DNAH5: variants seen among roughly 807,000 people sequenced by gnomAD.
The protein encoded by DNAH5 is axonemal beta dynein heavy chain 5.
A neutral mutation model predicts 518.2 loss-of-function variants in DNAH5; 372 were observed. That is an observed-to-expected ratio of 0.72 (90% CI 0.66 to 0.78). The LOEUF (loss-of-function observed/expected upper bound fraction) is 0.78, where lower values mean the gene tolerates loss of function less well. Ranked by LOEUF, DNAH5 falls within the 30% of genes least tolerant of loss-of-function variation. The pLI, the probability that DNAH5 is intolerant of heterozygous loss-of-function variation, is 0.00. For synonymous variants in DNAH5, 2,039 were observed against 2,025.9 expected, an observed-to-expected ratio of 1.01 and a Z score of -0.17; for missense variants, 5,523 against 5,687.0, an observed-to-expected ratio of 0.97 and a Z score of 0.93.
intron 36 of DNAH5, 72 bp downstream of exon 36, chr5:13,830,525 T>G: frequency 6.4e-7 from 1 of 1,568,562 alleles, no homozygotes; most frequent in Non-Finnish European, 8.8e-7. Flanking sequence ...GGCCAATTGT[T>G]GAAAACAAAT....
intron 52 of DNAH5, 55 bp downstream of exon 52, chr5:13,786,124 G>A (rs1466794027): frequency 2.5e-6 from 4 of 1,569,140 alleles, no homozygotes; most frequent in Non-Finnish European, 3.5e-6. Context: ...GGACCATGGT[G>A]TGAAGCCAAA....
rs572123950 is a variant in DNAH5, at chr5:13,810,052, T to C, written c.7609+7A>G. 6 of 1,551,160 alleles carry C rather than the reference T, an allele frequency of 3.9e-6. No homozygotes were observed. In the East Asian group the frequency reaches 1.2e-4, roughly 31 times the overall value. ...TGGGTTCCGTCTGGACGGGCAGGTG[T>C]CCTCACCATCGGGCGCCACATAGTA... On this transcript the variant is annotated splice_region_variant and intron_variant, in intron 45 of 78. Coordinates refer to ENST00000265104, the MANE Select transcript of DNAH5 (RefSeq NM_001369.3).
intron 1 of DNAH5, among the ~76,000 whole-genome samples, chr5:14,004,209 C>G (rs1784563238): frequency 6.6e-6 from 1 of 152,186 alleles, no homozygotes; most frequent in South Asian, 2.1e-4. Flanking sequence ...TCAAGAGTCC[C>G]CCTGGCCCAG....
In DNAH5 at chr5:13,788,801, C is replaced by T. The variant is rs2126882462; in HGVS notation, c.8562G>A (p.Glu2854=). 1 of 1,614,136 alleles carries T rather than the reference C, an allele frequency of 6.2e-7. No individual in the cohort carries two copies. Among genetic ancestry groups the T allele is most frequent in the Non-Finnish European group, 8.5e-7 (1 of 1,179,984 alleles). Residue 2854 remains glutamate (E), a synonymous_variant, in exon 51 of 79, where the codon GAG becomes GAA. Transcript: ENST00000265104. ...CCAAGAGTTTTTTCTCTTCACCAAA[C>T]TCCTCCTCTACCAAACTTACTAAAG... ...DKALVSLVEE[E]FGEEKKLLVD...
At chr5:14,007,325 A>G (rs1784789262) in intron 1 of DNAH5, among the ~76,000 whole-genome samples, 1 of 152,194 alleles carries the variant, frequency 6.6e-6, no homozygotes, top group South Asian at 2.1e-4. Flanking sequence ...CAGAGCTTTC[A>G]GCCTTCCAAG....
intron 70 of DNAH5, among the ~76,000 whole-genome samples, chr5:13,723,471 C>T (rs986093232): frequency 2.0e-5 from 3 of 152,228 alleles, no homozygotes; most frequent in African/African-American, 7.2e-5. Flanking sequence ...ATGGCCAGTT[C>T]TGCCATATAA....
intron 12 of DNAH5, among the ~76,000 whole-genome samples, chr5:13,902,999 G>A (rs1337328356): frequency 1.3e-5 from 2 of 152,030 alleles, no homozygotes; most frequent in African/African-American, 4.8e-5. Context: ...TGAGAGAGAA[G>A]GAGCAGAATG....
Position 13,780,624 on chromosome 5 carries a change from T to C in DNAH5, c.8951+205A>G, listed in dbSNP as rs539801063. ...AGGGAGGTGGCTACTAAGTGAGAGT[T>C]TGAAATATTTCAAAAGCAAATTATG... On this transcript the variant is annotated intron_variant, in intron 53 of 78. Coordinates refer to ENST00000265104, the MANE Select transcript of DNAH5 (RefSeq NM_001369.3). Among the ~76,000 whole-genome samples the C allele has an allele frequency of 4.6e-5, 7 of 152,298 alleles. No homozygotes were observed. In the South Asian group the frequency reaches 1.2e-3, roughly 27 times the overall value.
In DNAH5 at chr5:13,982,201, T is replaced by G. The variant is rs76650576; in HGVS notation, c.12+29447A>C. 7.5e-3 allele frequency among the ~76,000 whole-genome samples: 1,143 copies of G among 152,390 alleles called. 17 individuals are homozygous for G. Among genetic ancestry groups the G allele is most frequent in the African/African-American group, 0.026 (1,082 of 41,604 alleles). On this transcript the variant is annotated intron_variant, in intron 1 of 78. Coordinates refer to the DNAH5 transcript ENST00000681290. ...TATCGTATGACAATAAACTTTCAAT[T>G]TTTTCCTAATTTCATCTGATTGTAT...
At chr5:13,987,089 G>A (rs1444259773) in intron 1 of DNAH5, among the ~76,000 whole-genome samples, 1 of 152,088 alleles carries the variant, frequency 6.6e-6, no homozygotes, top group East Asian at 1.9e-4. Flanking sequence ...TGGCCTCATG[G>A]CAGAAGCCCG....
At position 13,690,480 on chromosome 5, in the gene DNAH5, A is replaced by G. The variant is rs1740595869; in HGVS notation, c.*1504T>C. 1 of 152,234 alleles carries G rather than the reference A, an allele frequency of 6.6e-6. No homozygotes were observed. The highest frequency in any genetic ancestry group is 6.5e-5 in the Admixed American group (1 of 15,290). The allele number at this position is 152,234 out of a possible 1,614,324, so 9.4% of individuals were successfully genotyped here. A position where few individuals can be genotyped will look rare whatever the true frequency, so the allele number is the denominator to read the frequency against. ...AACTCACAAGAAAACAGTATCATCT[A>G]AGATGGTGGGAGTCACAGGAGCCAC... On this transcript the variant is annotated 3_prime_UTR_variant, in exon 79 of 79. Transcript: ENST00000265104.
chr5:13,792,194 A>C lies in DNAH5; in HGVS notation c.8248T>G (p.Cys2750Gly). ...IFGVIGVGHY[C>G]TQRGFSEEVR... is the part of the protein sequence containing the mutation. ...TCTTCTGAGAAACCCCTCTGAGTAC[A>C]GTAGTGGCCTACCCCAATCACACCT... is the stretch of plus-strand genomic sequence containing the variant. Residue 2750 changes from cysteine (C) to glycine (G), a missense_variant, in exon 50 of 79, where the codon TGT becomes GGT. This residue lies in a region of DNAH5 where 5,121 missense variants were observed against 5,223.3 expected (regional missense o/e 0.98). Coordinates refer to ENST00000265104, the MANE Select transcript of DNAH5 (RefSeq NM_001369.3). 1 of 1,614,076 alleles carries C rather than the reference A, an allele frequency of 6.2e-7. No individual in the cohort carries two copies. Among genetic ancestry groups the C allele is most frequent in the Middle Eastern group, 1.7e-4 (1 of 6,060 alleles).
intron 35 of DNAH5, among the ~76,000 whole-genome samples, chr5:13,838,394 T>TCC (rs1764696801): frequency 6.6e-6 from 1 of 152,124 alleles, no homozygotes; most frequent in South Asian, 2.1e-4. Flanking sequence ...TTATAGCCAC[T>TCC]CCCATGGCTC....
At chr5:13,839,140 C>T (rs1025048206) in intron 35 of DNAH5, among the ~76,000 whole-genome samples, 4 of 152,222 alleles carry the variant, frequency 2.6e-5, no homozygotes, top group Non-Finnish European at 5.9e-5. Context: ...CATTTAAACT[C>T]TGCCTCTATA....
chr5:13,713,107 G>GTGTGTATATATA (rs70962100), intron 75 of DNAH5, among the ~76,000 whole-genome samples: 1 of 139,924 alleles, frequency 7.1e-6, no homozygotes, highest in Admixed American at 7.3e-5. Flanking sequence ...GTGTGTGTGT[G>GTGTGTATATATA]TATATATATA....
At position 13,735,279 on chromosome 5, in the gene DNAH5, G is replaced by T. The variant is rs1321974049; in HGVS notation, c.11613C>A (p.Ile3871=). The change falls in exon 68 of 79, where the codon ATC becomes ATA. Residue 3871 remains isoleucine, a synonymous_variant. Coordinates refer to ENST00000265104, the MANE Select transcript of DNAH5 (RefSeq NM_001369.3). ...SPITSKRIAN[I]IEHMTYEVYK... Reference sequence around the variant, plus strand: ...AAACCTCGTAGGTCATGTGCTCGATGATATTAGCAATCCTCTTGCTTGTAA... The same window carrying T: ...AAACCTCGTAGGTCATGTGCTCGATTATATTAGCAATCCTCTTGCTTGTAA... The T allele has an allele frequency of 1.2e-6, 2 of 1,614,106 alleles. No individual in the cohort carries two copies. Among genetic ancestry groups the T allele is most frequent in the South Asian group, 2.2e-5 (2 of 91,084 alleles).
At chr5:13,815,418 T>C (rs1761322766) in intron 42 of DNAH5, among the ~76,000 whole-genome samples, 1 of 152,168 alleles carries the variant, frequency 6.6e-6, no homozygotes, top group Non-Finnish European at 1.5e-5. Flanking sequence ...TAAAATATCC[T>C]CATGAACAAG....
At chr5:13,884,295 C>T (rs888692629) in intron 19 of DNAH5, among the ~76,000 whole-genome samples, 3 of 152,112 alleles carry the variant, frequency 2.0e-5, no homozygotes, top group Non-Finnish European at 4.4e-5. Context: ...CATATAACTT[C>T]CTTTAAAGTA....
Position 13,727,513 on chromosome 5 carries a change from G to A in DNAH5, c.12027C>T (p.Ile4009=), listed in dbSNP as rs780710528. ...TTTAATATGGACTTTTTACCTGGGC[G>A]ATGGTTCTGTCAGGACACCAGGATC... ...LIRSWCPDRT[I]AQARKYIVDS... Residue 4009 remains isoleucine (I), a synonymous_variant, in exon 70 of 79, where the codon ATC becomes ATT. Coordinates refer to ENST00000265104, the MANE Select transcript of DNAH5 (RefSeq NM_001369.3). The A allele has an allele frequency of 5.6e-6, 9 of 1,612,434 alleles. No individual in the cohort carries two copies. Among genetic ancestry groups the A allele is most frequent in the African/African-American group, 5.3e-5 (4 of 74,860 alleles).
Sources: gnomAD v4.1 joint callset for allele counts (sites outside exome capture counted in the v4.1 genomes callset) on GRCh38, gnomAD v4.1.1 for gene constraint, gnomAD v4.1.1 regional missense constraint, MANE v1.5 for transcripts, NCBI Gene and HGNC (gene_info 2026-07-23, HGNC 2026-07-21) for gene names.